Variants in TTLL3 observed in about 807,000 individuals in gnomAD.
The protein encoded by TTLL3 is tubulin monoglycylase TTLL3.
In TTLL3, 63 loss-of-function variants were observed where a neutral mutation model predicts 75.2. The observed-to-expected ratio is 0.84, with a 90% CI of 0.68 to 1.03. The LOEUF (loss-of-function observed/expected upper bound fraction) is 1.03. Ranked by LOEUF, TTLL3 falls within the 50% of genes least tolerant of loss-of-function variation. The pLI is 0.00. For synonymous variants in TTLL3, 393 were observed against 418.5 expected (o/e 0.94, Z 0.74); for missense variants, 997 against 1,069.9 (o/e 0.93, Z 0.95).
At chr3:9,826,096 A>G (rs1282681236) in intron 9 of TTLL3, 148 bp downstream of exon 9, 10 of 1,291,978 alleles carry the variant, frequency 7.7e-6, no homozygotes, top group Non-Finnish European at 1.1e-5. Flanking sequence ...CGTGACCTTG[A>G]GCAGGTTTTA....
At chr3:9,834,593 TC>T in intron 12 of TTLL3, 87 bp from the exon 13 acceptor site, 2 of 1,569,130 alleles carry the variant, frequency 1.3e-6, no homozygotes. Flanking sequence ...TCCCTCCATA[TC>T]CCCCCATCCT....
intron 11 of TTLL3, among the ~76,000 whole-genome samples, chr3:9,829,959 C>T (rs7636337): frequency 0.63 from 95,946 of 151,858 alleles, 31,277 homozygotes; most frequent in Non-Finnish European, 0.7. Context: ...TCTCCTGCCT[C>T]AGCCTCCCAA....
chr3:9,812,753 A>G, intron 2 of TTLL3, 190 bp from the exon 3 acceptor site: 1 of 578,950 alleles, frequency 1.7e-6, no homozygotes, highest in South Asian at 7.7e-5. Flanking sequence ...AATAAATATT[A>G]GCCATTGCTA....
intron 7 of TTLL3, chr3:9,819,904 G>A: frequency 1.0e-6 from 1 of 985,754 alleles, no homozygotes; most frequent in South Asian, 4.7e-5. Flanking sequence ...TATGGTATAG[G>A]TCAGGCTGCA....
In TTLL3 at chr3:9,829,386, C is replaced by G; in HGVS notation, c.1674C>G (p.Ile558Met). 1 of 1,592,560 alleles carries G rather than the reference C, an allele frequency of 6.3e-7. No homozygotes were observed. The highest frequency in any genetic ancestry group is 8.6e-7 in the Non-Finnish European group (1 of 1,166,734). ...GTGACACAGGAGCCTTTGAGCTCATCTATAAGCAGGTGAGGAGGTTGGGCC... is the reference window on the plus strand; with the variant it reads ...GTGACACAGGAGCCTTTGAGCTCATGTATAAGCAGGTGAGGAGGTTGGGCC... The part of the protein sequence containing the change: ...RNCDTGAFEL[I>M]YKQPAVEVPQ... The change falls in exon 11 of 14, where the codon ATC becomes ATG. Residue 558 changes from isoleucine to methionine, a missense_variant. Transcript: ENST00000685419.
Position 9,833,256 on chromosome 3 carries a change from G to T in TTLL3, c.1825+11G>T. On this transcript the variant is annotated intron_variant, in intron 12 of 13. Transcript: ENST00000685419. Reference sequence around the variant, plus strand: ...GAGGCTCTGGGGAAGGCAAGGACTCGGGGACCCCTACCCACAGGTCAGCTT... The same window carrying T: ...GAGGCTCTGGGGAAGGCAAGGACTCTGGGACCCCTACCCACAGGTCAGCTT... 6.2e-7 allele frequency: 1 copy of T among 1,613,390 alleles called. No individual in the cohort carries two copies. Among genetic ancestry groups the T allele is most frequent in the South Asian group, 1.1e-5 (1 of 91,028 alleles).
At position 9,813,098 on chromosome 3, in the gene TTLL3, C is replaced by T. The variant is rs777461593; in HGVS notation, c.204C>T (p.Asp68=). The T allele has an allele frequency of 6.3e-6, 10 of 1,580,966 alleles. No individual in the cohort carries two copies. Among genetic ancestry groups the T allele is most frequent in the South Asian group, 1.2e-5 (1 of 86,742 alleles). ...ATAGCTCAGCGATGGGTGACAGTGA[C>T]ACCACTGAGGATGGTGAGTGGTTCC... The part of the protein sequence containing the change: ...DLDSSAMGDS[D]TTEDEDEDED... Residue 68 remains aspartate (D), a synonymous_variant, in exon 3 of 14, where the codon GAC becomes GAT. Coordinates refer to ENST00000685419, the MANE Select transcript of TTLL3 (RefSeq NM_001387446.1).
chr3:9,815,279 G>C (rs1486551117), intron 4 of TTLL3, among the ~76,000 whole-genome samples: 1 of 151,172 alleles, frequency 6.6e-6, no homozygotes, highest in Non-Finnish European at 1.5e-5. Context: ...GTCAGGAATG[G>C]CTGAATATTG....
chr3:9,827,326 G>T, intron 10 of TTLL3, 86 bp downstream of exon 10: 1 of 1,556,526 alleles, frequency 6.4e-7, no homozygotes, highest in African/African-American at 1.4e-5. Context: ...CAGGGGACTC[G>T]CGCAGCAGCG....
Position 9,829,259 on chromosome 3 carries a change from G to T in TTLL3, c.1547G>T (p.Ser516Ile). 1 of 1,614,188 alleles carries T rather than the reference G, an allele frequency of 6.2e-7. No individual in the cohort carries two copies. Among genetic ancestry groups the T allele is most frequent in the Non-Finnish European group, 8.5e-7 (1 of 1,180,034 alleles). ...CCCTGGCTGATTGAGATCAACGCCA[G>T]CCCCACGATGGCACCCTCCACAGCA... ...FQPWLIEINA[S>I]PTMAPSTAVT... is the part of the protein sequence containing the mutation. The change falls in exon 11 of 14, where the codon AGC (serine) becomes ATC (isoleucine). Residue 516 changes from serine (S) to isoleucine (I), a missense_variant. Transcript: ENST00000685419.
chr3:9,826,143 TGAG>T (rs1200137917), intron 9 of TTLL3, among the ~76,000 whole-genome samples, 195 bp downstream of exon 9: 7 of 152,200 alleles, frequency 4.6e-5, no homozygotes, highest in Non-Finnish European at 1.0e-4. Context: ...ATCTGTGACA[TGAG>T]GAGGATGATA....
At chr3:9,819,806 G>A in intron 7 of TTLL3, 1 of 985,512 alleles carries the variant, frequency 1.0e-6, no homozygotes, top group Non-Finnish European at 1.2e-6. Flanking sequence ...TCTCTTGTGT[G>A]TGTCATGCAC....
Position 9,816,299 on chromosome 3 carries a change from C to T in TTLL3, c.444+97C>T, listed in dbSNP as rs144066388. On this transcript the variant is annotated intron_variant, in intron 5 of 13. Coordinates refer to ENST00000685419, the MANE Select transcript of TTLL3 (RefSeq NM_001387446.1). ...CTCACCTTGTTAGTAAGAGGAAGTT[C>T]TCAGGACAAGGGGAAGTATACAATT... The T allele has an allele frequency of 9.1e-3, 11,237 of 1,233,344 alleles. 61 individuals are homozygous for T. Among genetic ancestry groups the T allele is most frequent in the Non-Finnish European group, 0.011 (9,919 of 936,978 alleles). The allele number at this position is 1,233,344 out of a possible 1,614,324, so 76.4% of individuals were successfully genotyped here.
intron 4 of TTLL3, among the ~76,000 whole-genome samples, chr3:9,815,751 A>C (rs1026384682): frequency 2.6e-5 from 4 of 151,866 alleles, no homozygotes; most frequent in African/African-American, 9.7e-5. Context: ...GCTAATGCCA[A>C]CTCCTTCTCA....
intron 8 of TTLL3, chr3:9,825,303 A>G (rs549539914): frequency 2.1e-4 from 39 of 183,300 alleles, no homozygotes; most frequent in South Asian, 1.9e-3. Flanking sequence ...TCACCACTGC[A>G]CTTCAGCCTG....
At chr3:9,820,893 G>A (rs146391087) in intron 8 of TTLL3, 152 bp downstream of exon 8, 66 of 1,333,394 alleles carry the variant, frequency 4.9e-5, no homozygotes, top group Middle Eastern at 5.4e-4. Flanking sequence ...CACTGCCTCC[G>A]TGATAGGGTC....
chr3:9,830,068 C>T lies in TTLL3; in HGVS notation c.1683+673C>T, dbSNP rs185388880. 7.7e-3 allele frequency among the ~76,000 whole-genome samples: 1,168 copies of T among 152,302 alleles called. 13 individuals carry two copies. Among genetic ancestry groups the T allele is most frequent in the African/African-American group, 0.027 (1,113 of 41,548 alleles). ...ATGTTGGCCAGGCTGGTCTCGAGCTCCTGACCTCAGGTGATCCGCCCACCT... is the reference window on the plus strand; with the variant it reads ...ATGTTGGCCAGGCTGGTCTCGAGCTTCTGACCTCAGGTGATCCGCCCACCT... On this transcript the variant is annotated intron_variant, in intron 11 of 13. Coordinates refer to ENST00000685419, the MANE Select transcript of TTLL3 (RefSeq NM_001387446.1).
chr3:9,827,699 T>C (rs756789650), intron 10 of TTLL3: 35 of 201,928 alleles, frequency 1.7e-4, no homozygotes, highest in Non-Finnish European at 3.3e-4. Flanking sequence ...CTCCAACAGA[T>C]TTGACCGAGT....
intron 4 of TTLL3, among the ~76,000 whole-genome samples, chr3:9,814,825 G>A (rs1177312569): frequency 6.6e-6 from 1 of 151,878 alleles, no homozygotes; most frequent in Non-Finnish European, 1.5e-5. Context: ...AACTCCATCT[G>A]AAAATAAAGA....
Sources: gnomAD v4.1 joint callset for allele counts (sites outside exome capture counted in the v4.1 genomes callset) on GRCh38, gnomAD v4.1.1 for gene constraint, MANE v1.5 for transcripts, NCBI Gene and HGNC (gene_info 2026-07-23, HGNC 2026-07-21) for gene names.